The following GRID2 variants were observed in gnomAD, a reference collection of about 807,000 sequenced individuals.
GRID2 encodes the protein glutamate ionotropic receptor delta type subunit 2, also known as glutamate receptor ionotropic, delta-2.
In GRID2, 33 loss-of-function variants were observed where a neutral mutation model predicts 114.8. The observed-to-expected ratio is 0.29, with a 90% CI of 0.22 to 0.38. GRID2 has a LOEUF of 0.38. Among genes scored for constraint, GRID2 ranks in the 10% least tolerant of loss-of-function variants. GRID2 has a pLI of 1.00. For missense variants in GRID2, 1,184 were observed against 1,257.7 expected, an observed-to-expected ratio of 0.94 and a Z score of 0.89; for synonymous variants, 505 against 449.9, an observed-to-expected ratio of 1.12 and a Z score of -1.55.
At chr4:93,061,589 T>C (rs1241381875) in intron 2 of GRID2, among the ~76,000 whole-genome samples, 1 of 152,028 alleles carries the variant, frequency 6.6e-6, no homozygotes, top group Non-Finnish European at 1.5e-5. Context: ...GCTTGTACCA[T>C]AAAGGGCTGA....
At chr4:93,211,151 C>G (rs898077254) in intron 5 of GRID2, among the ~76,000 whole-genome samples, 2 of 151,906 alleles carry the variant, frequency 1.3e-5, no homozygotes, top group African/African-American at 4.8e-5. Context: ...TTAGCTTCCA[C>G]AAGTATACCT....
intron 14 of GRID2, among the ~76,000 whole-genome samples, chr4:93,646,301 T>G (rs1722105658): frequency 6.6e-6 from 1 of 152,146 alleles, no homozygotes; most frequent in African/African-American, 2.4e-5. Flanking sequence ...AGGGAACATT[T>G]TATTACAACC....
At chr4:93,576,853 G>T (rs1301064642) in intron 13 of GRID2, among the ~76,000 whole-genome samples, 1 of 152,118 alleles carries the variant, frequency 6.6e-6, no homozygotes, top group Non-Finnish European at 1.5e-5. Flanking sequence ...GTTGGGAGGG[G>T]CAGGAGATCA....
chr4:92,597,400 A>G, intron 2 of GRID2, among the ~76,000 whole-genome samples: 1 of 152,140 alleles, frequency 6.6e-6, no homozygotes, highest in East Asian at 1.9e-4. Flanking sequence ...AATGGATTGA[A>G]ATTCAGATGT....
chr4:92,753,359 C>T (rs369375582), intron 2 of GRID2, among the ~76,000 whole-genome samples: 3 of 151,998 alleles, frequency 2.0e-5, no homozygotes, highest in Admixed American at 6.6e-5. Flanking sequence ...AGGAATGATG[C>T]GTAATAAATG....
At chr4:93,592,126 C>G (rs1199265522) in intron 13 of GRID2, among the ~76,000 whole-genome samples, 1 of 152,080 alleles carries the variant, frequency 6.6e-6, no homozygotes, top group South Asian at 2.1e-4. Flanking sequence ...TCTTGCTTTT[C>G]TAGTTCTTTT....
intron 2 of GRID2, among the ~76,000 whole-genome samples, chr4:93,027,886 C>T (rs1724027159): frequency 6.6e-6 from 1 of 151,714 alleles, no homozygotes; most frequent in Admixed American, 6.6e-5. Context: ...AATACAAATC[C>T]AAATTTAAAT....
rs143954309 is a variant in GRID2, at chr4:92,417,243, G to A, written c.88+112499G>A. ...TCCATAAAGAACACATTTCAGATTT[G>A]ACTTTTAAAGTCCTAGGTATAAATA... On this transcript the variant is annotated intron_variant, in intron 1 of 15. Coordinates refer to ENST00000282020, the MANE Select transcript of GRID2 (RefSeq NM_001510.4). 2.0e-5 allele frequency among the ~76,000 whole-genome samples: 3 copies of A among 152,168 alleles called. No homozygotes were observed. In the East Asian group the frequency reaches 5.8e-4, roughly 29 times the overall value.
At chr4:93,789,644 T>TATTCTC (rs1206258964) in intron 1 of GRID2, among the ~76,000 whole-genome samples, 3 of 152,228 alleles carry the variant, frequency 2.0e-5, no homozygotes, top group African/African-American at 7.2e-5. Flanking sequence ...CATATTTTTC[T>TATTCTC]ATTCTCATCA....
intron 14 of GRID2, among the ~76,000 whole-genome samples, chr4:93,689,685 T>C (rs991782567): frequency 6.6e-6 from 1 of 152,090 alleles, no homozygotes; most frequent in Non-Finnish European, 1.5e-5. Context: ...AAGGGCACTT[T>C]ACAAACATGA....
intron 1 of GRID2, among the ~76,000 whole-genome samples, chr4:92,488,921 C>T (rs1398246158): frequency 6.6e-6 from 1 of 152,164 alleles, no homozygotes; most frequent in Non-Finnish European, 1.5e-5. Flanking sequence ...TTGTCTGAAA[C>T]TGCGACTACA....
At chr4:93,723,903 T>G (rs915008245) in intron 14 of GRID2, among the ~76,000 whole-genome samples, 1 of 152,324 alleles carries the variant, frequency 6.6e-6, no homozygotes. Context: ...GACTACATTC[T>G]TCACAATATC....
At chr4:92,770,077 A>T (rs539349323) in intron 2 of GRID2, among the ~76,000 whole-genome samples, 1 of 152,340 alleles carries the variant, frequency 6.6e-6, no homozygotes, top group Admixed American at 6.5e-5. Context: ...TGCTTTTAAC[A>T]GCACTCAAGT....
intron 2 of GRID2, among the ~76,000 whole-genome samples, chr4:92,768,238 G>A (rs527652946): frequency 2.6e-5 from 4 of 152,142 alleles, no homozygotes; most frequent in Admixed American, 2.0e-4. Flanking sequence ...GTGTGTTCCT[G>A]TTACATATGA....
chr4:93,407,320 C>T (rs1766553019), intron 9 of GRID2, among the ~76,000 whole-genome samples: 2 of 152,108 alleles, frequency 1.3e-5, no homozygotes, highest in South Asian at 4.1e-4. Flanking sequence ...TAAAATTCAG[C>T]TCCTTCTGGG....
At chr4:93,397,379 C>T (rs1765433102) in intron 9 of GRID2, among the ~76,000 whole-genome samples, 1 of 146,536 alleles carries the variant, frequency 6.8e-6, no homozygotes, top group Non-Finnish European at 1.5e-5. Context: ...ATTTAAAGTA[C>T]AGCAAATTAT....
At chr4:92,977,486 C>T (rs900359870) in intron 2 of GRID2, among the ~76,000 whole-genome samples, 1 of 152,104 alleles carries the variant, frequency 6.6e-6, no homozygotes, top group Non-Finnish European at 1.5e-5. Flanking sequence ...CAGGCATGAG[C>T]CAGATCTTTG....
At chr4:92,677,487 T>G (rs1733429574) in intron 2 of GRID2, among the ~76,000 whole-genome samples, 1 of 152,124 alleles carries the variant, frequency 6.6e-6, no homozygotes, top group South Asian at 2.1e-4. Flanking sequence ...TACTGGTATA[T>G]CCACTGGCCT....
intron 1 of GRID2, among the ~76,000 whole-genome samples, chr4:92,325,516 G>C (rs1316891792): frequency 6.6e-6 from 1 of 151,818 alleles, no homozygotes; most frequent in Non-Finnish European, 1.5e-5. Flanking sequence ...CTTGAGGCTA[G>C]AGTTAATTGA....
Sources: gnomAD v4.1 joint callset for allele counts (sites outside exome capture counted in the v4.1 genomes callset) on GRCh38, gnomAD v4.1.1 for gene constraint, MANE v1.5 for transcripts, NCBI Gene and HGNC (gene_info 2026-07-23, HGNC 2026-07-21) for gene names.